The following CWC27 variants were observed in gnomAD, a reference collection of about 807,000 sequenced individuals.
The protein encoded by CWC27 is spliceosome-associated protein CWC27 homolog.
CWC27 carries 47 observed loss-of-function variants against 63.6 expected under a neutral mutation model. The observed-to-expected ratio is 0.74, with a 90% confidence interval of 0.58 to 0.94. The LOEUF (loss-of-function observed/expected upper bound fraction) is 0.94. Ranked by LOEUF, CWC27 falls within the 40% of genes least tolerant of loss-of-function variation. The pLI, the probability that CWC27 is intolerant of heterozygous loss-of-function variation, is 0.00. For synonymous variants in CWC27, 175 were observed against 179.8 expected (o/e 0.97, Z 0.22); for missense variants, 495 against 554.3 (o/e 0.89, Z 1.07).
At chr5:64,989,985 C>G (rs1226626496) in intron 13 of CWC27, among the ~76,000 whole-genome samples, 3 of 151,812 alleles carry the variant, frequency 2.0e-5, no homozygotes, top group Non-Finnish European at 4.4e-5. Context: ...AAAAGCAATA[C>G]TGGTAGTTCA....
intron 10 of CWC27, among the ~76,000 whole-genome samples, chr5:64,855,269 G>C (rs1746223062): frequency 1.3e-5 from 2 of 152,144 alleles, no homozygotes; most frequent in Admixed American, 6.5e-5. Flanking sequence ...TTATTCAGAA[G>C]AGTGTTTTCA....
intron 12 of CWC27, among the ~76,000 whole-genome samples, chr5:64,974,168 G>A (rs1462997005): frequency 6.6e-6 from 1 of 151,972 alleles, no homozygotes; most frequent in Non-Finnish European, 1.5e-5. Context: ...AGCCCAGTAG[G>A]TCGACGCTGT....
intron 11 of CWC27, among the ~76,000 whole-genome samples, chr5:64,903,859 G>A (rs1249868666): frequency 6.6e-6 from 1 of 151,990 alleles, no homozygotes; most frequent in African/African-American, 2.4e-5. Flanking sequence ...TCTTTTACCT[G>A]CCTTAATGTT....
chr5:64,934,405 A>G (rs1304207719), intron 11 of CWC27, among the ~76,000 whole-genome samples: 2 of 152,160 alleles, frequency 1.3e-5, no homozygotes, highest in Non-Finnish European at 2.9e-5. Context: ...TTCCAGCTTC[A>G]TCCATGTCCC....
chr5:64,779,940 G>T (rs1157784001), intron 2 of CWC27, among the ~76,000 whole-genome samples: 2 of 152,082 alleles, frequency 1.3e-5, no homozygotes, highest in East Asian at 3.9e-4. Context: ...TTTGCCATCC[G>T]CCATGATTGT....
intron 10 of CWC27, among the ~76,000 whole-genome samples, chr5:64,875,144 G>GA (rs1230750368): frequency 6.6e-6 from 1 of 151,598 alleles, no homozygotes; most frequent in African/African-American, 2.4e-5. Flanking sequence ...AGTGTGTTTT[G>GA]AAAAAAAGAA....
intron 13 of CWC27, among the ~76,000 whole-genome samples, chr5:64,991,738 A>G (rs753716532): frequency 1.1e-4 from 17 of 152,182 alleles, no homozygotes; most frequent in Non-Finnish European, 1.8e-4. Flanking sequence ...ACAATAAATA[A>G]TACTTAAAAC....
chr5:64,941,887 C>T (rs1406747138), intron 11 of CWC27, among the ~76,000 whole-genome samples: 1 of 151,834 alleles, frequency 6.6e-6, no homozygotes, highest in African/African-American at 2.4e-5. Flanking sequence ...CCTCAGTTTC[C>T]TTATCTGTAA....
intron 13 of CWC27, among the ~76,000 whole-genome samples, chr5:64,991,916 C>G (rs562033360): frequency 6.6e-6 from 1 of 152,142 alleles, no homozygotes; most frequent in Admixed American, 6.5e-5. Flanking sequence ...GGTATTTGGG[C>G]CAATTATCAG....
chr5:64,895,936 A>C (rs1272345660), intron 11 of CWC27, among the ~76,000 whole-genome samples: 1 of 152,216 alleles, frequency 6.6e-6, no homozygotes, highest in Non-Finnish European at 1.5e-5. Flanking sequence ...ATCAAATTCT[A>C]GGAGGAGACC....
At chr5:64,784,708 T>G (rs557807844) in intron 4 of CWC27, among the ~76,000 whole-genome samples, 1 of 152,338 alleles carries the variant, frequency 6.6e-6, no homozygotes, top group South Asian at 2.1e-4. Flanking sequence ...GCTGGTGTTG[T>G]TTTAAAACTC....
chr5:64,898,088 A>G (rs1342385467), intron 11 of CWC27, among the ~76,000 whole-genome samples: 1 of 152,246 alleles, frequency 6.6e-6, no homozygotes, highest in Non-Finnish European at 1.5e-5. Context: ...ATTATTTTCT[A>G]GCTCTCTTGA....
At chr5:64,929,539 T>C (rs937641870) in intron 11 of CWC27, among the ~76,000 whole-genome samples, 7 of 152,148 alleles carry the variant, frequency 4.6e-5, no homozygotes, top group African/African-American at 1.7e-4. Context: ...AATTTTTAAA[T>C]TGGCAAAGCA....
intron 10 of CWC27, among the ~76,000 whole-genome samples, chr5:64,877,465 A>G (rs1406252647): frequency 1.3e-5 from 2 of 151,980 alleles, no homozygotes; most frequent in African/African-American, 2.4e-5. Flanking sequence ...AAACAGTTGA[A>G]TAGAAAGAAT....
At chr5:64,813,055 A>G (rs887407756) in intron 10 of CWC27, among the ~76,000 whole-genome samples, 3 of 152,156 alleles carry the variant, frequency 2.0e-5, no homozygotes, top group Non-Finnish European at 4.4e-5. Context: ...TGGAGCTACT[A>G]TTTAAAAGGA....
intron 10 of CWC27, among the ~76,000 whole-genome samples, chr5:64,873,029 T>G (rs1746711770): frequency 6.6e-6 from 1 of 152,170 alleles, no homozygotes. Context: ...CTTCAGTTTT[T>G]CATGAAAATG....
intron 10 of CWC27, among the ~76,000 whole-genome samples, chr5:64,858,512 C>G (rs559080005): frequency 6.7e-6 from 1 of 150,000 alleles, no homozygotes; most frequent in Non-Finnish European, 1.5e-5. Flanking sequence ...GCCACAGATT[C>G]AGAGAAAATA....
At position 64,976,024 on chromosome 5, in the gene CWC27, C is replaced by T. The variant is rs181097485; in HGVS notation, c.1153-1111C>T. On this transcript the variant is annotated intron_variant, in intron 12 of 13. Transcript: ENST00000381070. The stretch of plus-strand genomic sequence containing the variant: ...CGGAGGTTGCAGTGAGCCAAGATCG[C>T]GCCATTGCACTCCAGCCTGGGCCTC... 4.2e-3 allele frequency among the ~76,000 whole-genome samples: 637 copies of T among 151,994 alleles called. 2 individuals are homozygous for T. The highest frequency in any genetic ancestry group is 0.014 in the African/African-American group (582 of 41,442).
At chr5:64,800,509 C>G (rs747273446) in intron 8 of CWC27, among the ~76,000 whole-genome samples, 182 bp downstream of exon 8, 6 of 152,280 alleles carry the variant, frequency 3.9e-5, no homozygotes, top group Middle Eastern at 3.4e-3. Context: ...AACAAACGCT[C>G]TAGTCACTTT....
Sources: gnomAD v4.1 joint callset for allele counts (sites outside exome capture counted in the v4.1 genomes callset) on GRCh38, gnomAD v4.1.1 for gene constraint, MANE v1.5 for transcripts, NCBI Gene and HGNC (gene_info 2026-07-23, HGNC 2026-07-21) for gene names.